Variants in GPR160 observed in about 807,000 individuals in gnomAD.
The protein encoded by GPR160 is G protein-coupled receptor 160.
A neutral mutation model predicts 2.6 loss-of-function variants in GPR160; 2 were observed. The ratio of observed to expected loss-of-function variants is 0.77; its 90% CI spans 0.32 to 2.44. The LOEUF (loss-of-function observed/expected upper bound fraction) is 2.44, where lower values mean the gene tolerates loss of function less well. Among genes scored for constraint, GPR160 ranks in the 30% most tolerant of loss-of-function variants. GPR160 has a pLI of 0.11. For synonymous variants in GPR160, 130 were observed against 132.2 expected, an observed-to-expected ratio of 0.98 and a Z score of 0.12; for missense variants, 351 against 383.6, an observed-to-expected ratio of 0.91 and a Z score of 0.71.
Position 170,038,089 on chromosome 3 carries a change from G to T in GPR160, c.-448G>T. 1 of 152,842 alleles carries T rather than the reference G, an allele frequency of 6.5e-6. No individual in the cohort carries two copies. Among genetic ancestry groups the T allele is most frequent in the South Asian group, 1.8e-4 (1 of 5,518 alleles). The allele number at this position is 152,842 out of a possible 1,614,324, so 9.5% of individuals were successfully genotyped here. On this transcript the variant is annotated 5_prime_UTR_variant, in exon 1 of 4. Coordinates refer to ENST00000355897, the MANE Select transcript of GPR160 (RefSeq NM_014373.3). This position sits in a 1 kb window ranked among gnomAD's most constrained non-coding sequence, Gnocchi z 5.3. ...GCCCCTCCCGGGAGCGCGCGGGGCG[G>T]GGCGGGGCGGGGCGGGACCAGGCGG...
intron 2 of GPR160, among the ~76,000 whole-genome samples, chr3:170,057,588 G>GA (rs1247555327): frequency 1.4e-4 from 21 of 152,228 alleles, no homozygotes; most frequent in Non-Finnish European, 1.5e-5. Flanking sequence ...TGGCAACACT[G>GA]AAATCAGAGA....
intron 2 of GPR160, among the ~76,000 whole-genome samples, chr3:170,073,469 T>A (rs901111681): frequency 6.6e-6 from 1 of 152,226 alleles, no homozygotes; most frequent in Non-Finnish European, 1.5e-5. Flanking sequence ...GGACGTGACC[T>A]TCTATTGTTT....
At chr3:170,060,021 C>A (rs1016803461) in intron 2 of GPR160, among the ~76,000 whole-genome samples, 3 of 151,948 alleles carry the variant, frequency 2.0e-5, no homozygotes, top group African/African-American at 7.3e-5. Flanking sequence ...CAGTGTGCCA[C>A]CCAGATTCTA....
In GPR160 at chr3:170,064,496, ATTCTTTTCTT is replaced by A. The variant is rs375138387; in HGVS notation, c.-192-15265_-192-15256del. On this transcript the variant is annotated intron_variant, in intron 2 of 3. Coordinates refer to ENST00000355897, the MANE Select transcript of GPR160 (RefSeq NM_014373.3). Reference sequence around the variant, plus strand: ...CCTCGACCCTCCCTACACGGGACCCATTCTTTTCTTTTCTTTTCTTTTTTTTTTTTTTTTT... The same window carrying A: ...CCTCGACCCTCCCTACACGGGACCCATTCTTTTCTTTTTTTTTTTTTTTTT... Among the ~76,000 whole-genome samples, 3 of 121,820 alleles carry A rather than the reference ATTCTTTTCTT, an allele frequency of 2.5e-5. No homozygotes were observed. In the Admixed American group the frequency reaches 2.9e-4, roughly 12 times the overall value. The allele number at this position is 121,820 out of a possible 152,430, so 79.9% of individuals were successfully genotyped here. A position where few individuals can be genotyped will look rare whatever the true frequency, so the allele number is the denominator to read the frequency against.
At chr3:170,071,321 G>A (rs956969322) in intron 2 of GPR160, among the ~76,000 whole-genome samples, 2 of 152,106 alleles carry the variant, frequency 1.3e-5, no homozygotes, top group African/African-American at 2.4e-5. Flanking sequence ...GCAAGAGCTG[G>A]TCATTTAAAA....
chr3:170,064,649 G>A (rs1371182958), intron 2 of GPR160, among the ~76,000 whole-genome samples: 1 of 151,142 alleles, frequency 6.6e-6, no homozygotes, highest in African/African-American at 2.4e-5. Context: ...CTCCTGAGTA[G>A]CTGGGACTAC....
chr3:170,064,929 C>T (rs116719120), intron 2 of GPR160, among the ~76,000 whole-genome samples: 351 of 152,218 alleles, frequency 2.3e-3, no homozygotes, highest in African/African-American at 8.1e-3. Context: ...CCTGTCCTCG[C>T]CTTTGATTCC....
intron 3 of GPR160, among the ~76,000 whole-genome samples, chr3:170,081,155 T>C (rs182580523): frequency 1.1e-3 from 164 of 152,338 alleles, no homozygotes; most frequent in Admixed American, 4.0e-3. Flanking sequence ...TAAACCAACA[T>C]TGGTTGTTTA....
chr3:170,053,003 T>G (rs1235199745), intron 2 of GPR160, among the ~76,000 whole-genome samples: 1 of 152,208 alleles, frequency 6.6e-6, no homozygotes, highest in Non-Finnish European at 1.5e-5. Flanking sequence ...GGTACTTTCT[T>G]ATAAATCAAG....
At chr3:170,050,323 A>G (rs1716905038) in intron 2 of GPR160, among the ~76,000 whole-genome samples, 1 of 151,286 alleles carries the variant, frequency 6.6e-6, no homozygotes, top group East Asian at 1.9e-4. Context: ...AGCTCACTGC[A>G]ACCTCCACCT....
intron 2 of GPR160, among the ~76,000 whole-genome samples, chr3:170,069,249 A>G (rs1712479212): frequency 6.6e-6 from 1 of 152,226 alleles, no homozygotes; most frequent in Non-Finnish European, 1.5e-5. Flanking sequence ...TTCATTTGCA[A>G]CGAATCTATC....
intron 2 of GPR160, among the ~76,000 whole-genome samples, chr3:170,050,473 A>G (rs1716911570): frequency 2.0e-5 from 3 of 149,064 alleles, no homozygotes. Flanking sequence ...CAATGGTGCA[A>G]TCTGCTCACC....
chr3:170,062,629 G>C, intron 2 of GPR160: 3 of 1,396,742 alleles, frequency 2.1e-6, no homozygotes, highest in Non-Finnish European at 3.0e-6. Context: ...CTCCGGCCTC[G>C]TCTTGTGATT....
chr3:170,054,214 A>G (rs561615543), intron 2 of GPR160, among the ~76,000 whole-genome samples: 2 of 152,038 alleles, frequency 1.3e-5, no homozygotes, highest in South Asian at 2.1e-4. Context: ...AAAAAAAAGT[A>G]TCATTTAAGT....
chr3:170,039,536 C>A (rs1160209368), intron 2 of GPR160, among the ~76,000 whole-genome samples: 2 of 152,162 alleles, frequency 1.3e-5, no homozygotes, highest in African/African-American at 4.8e-5. Context: ...TGGTGAAACC[C>A]TTCTCTACTA....
At chr3:170,060,779 A>G (rs564846495) in intron 2 of GPR160, among the ~76,000 whole-genome samples, 1 of 152,006 alleles carries the variant, frequency 6.6e-6, no homozygotes, top group East Asian at 1.9e-4. Flanking sequence ...TCAAAATAAT[A>G]CTAATAATAA....
intron 2 of GPR160, among the ~76,000 whole-genome samples, chr3:170,039,992 G>A (rs1467878395): frequency 2.6e-5 from 4 of 151,932 alleles, no homozygotes; most frequent in Admixed American, 2.6e-4. Context: ...CATGGACACA[G>A]GCAGGGGAAC....
chr3:170,041,298 A>ATT lies in GPR160; in HGVS notation c.-193+2275_-193+2276dup, dbSNP rs764849488. 1.7e-3 allele frequency among the ~76,000 whole-genome samples: 201 copies of ATT among 120,866 alleles called. 2 individuals are homozygous for ATT. Among genetic ancestry groups the ATT allele is most frequent in the East Asian group, 2.6e-3 (10 of 3,854 alleles). 79.3% of individuals were successfully genotyped at this position (120,866 alleles called of 152,430 possible). A position where few individuals can be genotyped will look rare whatever the true frequency, so the allele number is the denominator to read the frequency against. On this transcript the variant is annotated intron_variant, in intron 2 of 3. Transcript: ENST00000355897. ...ATTCACTAGTCTAAAGGATGTAAAG[A>ATT]TTTTTTTTTTTTTTTTTTTTTGAGA...
chr3:170,045,304 C>T (rs1457322403), intron 2 of GPR160, among the ~76,000 whole-genome samples: 2 of 148,550 alleles, frequency 1.3e-5, no homozygotes, highest in African/African-American at 5.0e-5. Flanking sequence ...GTGGCTCACA[C>T]CTGTAATCCC....
Sources: allele counts gnomAD v4.1 joint callset (sites outside exome capture counted in the v4.1 genomes callset), GRCh38; gene constraint gnomAD v4.1.1; non-coding constraint Gnocchi (gnomAD v3.1); transcripts MANE v1.5; gene names NCBI Gene and HGNC (gene_info 2026-07-23, HGNC 2026-07-21).